Variants in KIAA1614 observed in about 807,000 individuals in gnomAD.
The protein encoded by KIAA1614 is uncharacterized protein KIAA1614.
A neutral mutation model predicts 88.7 loss-of-function variants in KIAA1614; 76 were observed. The ratio of observed to expected loss-of-function variants is 0.86; its 90% CI spans 0.71 to 1.04. The LOEUF is 1.04. Among genes scored for constraint, KIAA1614 ranks in the 50% least tolerant of loss-of-function variants. KIAA1614 has a pLI of 0.00. For synonymous variants in KIAA1614, 714 were observed against 675.5 expected (o/e 1.06, Z -0.88); for missense variants, 1,553 against 1,582.5 (o/e 0.98, Z 0.32).
At chr1:180,914,372 CATT>C (rs1653731564) in intron 1 of KIAA1614, among the ~76,000 whole-genome samples, 1 of 152,190 alleles carries the variant, frequency 6.6e-6, no homozygotes, top group South Asian at 2.1e-4. Flanking sequence ...GGAACATTAT[CATT>C]TACAGAATAA....
At chr1:180,915,198 G>A (rs971259586) in intron 1 of KIAA1614, among the ~76,000 whole-genome samples, 1 of 152,220 alleles carries the variant, frequency 6.6e-6, no homozygotes, top group African/African-American at 2.4e-5. Flanking sequence ...CCTAATCGGC[G>A]TTCCTGACTG....
chr1:180,934,110 C>T (rs1345008033), intron 4 of KIAA1614, among the ~76,000 whole-genome samples: 5 of 152,018 alleles, frequency 3.3e-5, no homozygotes, highest in South Asian at 2.1e-4. Flanking sequence ...CAAAATTAGT[C>T]GGGCGTGGTG....
At chr1:180,913,365 G>C in intron 1 of KIAA1614, 72 bp downstream of exon 1, 1 of 1,041,562 alleles carries the variant, frequency 9.6e-7, no homozygotes, top group Non-Finnish European at 1.2e-6. Context: ...GGAGCGGGGA[G>C]CCCAGGTCGC....
rs776608636 is a variant in KIAA1614, at chr1:180,935,770, T to C, written c.1861T>C (p.Cys621Arg). Residue 621 changes from cysteine (C) to arginine (R), a missense_variant, in exon 5 of 9, where the codon TGC becomes CGC. Coordinates refer to ENST00000367588, the MANE Select transcript of KIAA1614 (RefSeq NM_020950.2). This position sits in a 1 kb window ranked among gnomAD's most constrained non-coding sequence, Gnocchi z 6.1. The part of the protein sequence containing the change: ...ALDSTDNSDN[C>R]RTDSEEAGTS... ...GGACAGCACAGACAACTCTGACAAC[T>C]GCAGGACCGACAGTGAGGAGGCGGG... 2.5e-6 allele frequency: 4 copies of C among 1,613,752 alleles called. No individual in the cohort carries two copies. In the Admixed American group the frequency reaches 5.0e-5, roughly 20 times the overall value.
Position 180,941,019 on chromosome 1 carries a change from C to A in KIAA1614, c.2919-26C>A, listed in dbSNP as rs763848907. 6.2e-6 allele frequency: 9 copies of A among 1,452,488 alleles called. No homozygotes were observed. In the African/African-American group the frequency reaches 1.3e-4, roughly 21 times the overall value. The allele number at this position is 1,452,488 out of a possible 1,614,324, so 90.0% of individuals were successfully genotyped here. On this transcript the variant is annotated intron_variant, in intron 6 of 8. Coordinates refer to ENST00000367588, the MANE Select transcript of KIAA1614 (RefSeq NM_020950.2). ...GCCACCCTCCCGGCCCTCCCCCGCCCCCTCACCTCCACCCTTGTGTTTCAG... is the reference window on the plus strand; with the variant it reads ...GCCACCCTCCCGGCCCTCCCCCGCCACCTCACCTCCACCCTTGTGTTTCAG...
Position 180,935,088 on chromosome 1 carries a change from A to G in KIAA1614, c.1206-27A>G. Reference sequence around the variant, plus strand: ...ATACCTCCCCAGGTTTCTGCCCTTGACCTCTCTCCTCCTGTCTCTTCATCA... The same window carrying G: ...ATACCTCCCCAGGTTTCTGCCCTTGGCCTCTCTCCTCCTGTCTCTTCATCA... On this transcript the variant is annotated intron_variant, in intron 4 of 8. Coordinates refer to ENST00000367588, the MANE Select transcript of KIAA1614 (RefSeq NM_020950.2). The surrounding 1 kb of genome is among the most constrained non-coding windows in gnomAD (Gnocchi z 6.1). The G allele has an allele frequency of 7.3e-7, 1 of 1,366,492 alleles. No homozygotes were observed. Among genetic ancestry groups the G allele is most frequent in the South Asian group, 2.0e-5 (1 of 49,566 alleles). The allele number at this position is 1,366,492 out of a possible 1,614,324, so 84.6% of individuals were successfully genotyped here.
At chr1:180,944,963 T>G in intron 8 of KIAA1614, 3 of 291,426 alleles carry the variant, frequency 1.0e-5, no homozygotes, top group Non-Finnish European at 1.2e-5. Flanking sequence ...GGGGCGTGGA[T>G]GTACTTCAGG....
intron 1 of KIAA1614, among the ~76,000 whole-genome samples, chr1:180,915,761 C>T (rs1387065874): frequency 6.6e-6 from 1 of 152,158 alleles, no homozygotes; most frequent in Admixed American, 6.5e-5. Flanking sequence ...AGCAAGTGAG[C>T]ATTACCACCT....
At chr1:180,936,848 G>A (rs1488252227) in intron 5 of KIAA1614, among the ~76,000 whole-genome samples, 178 bp downstream of exon 5, 1 of 152,194 alleles carries the variant, frequency 6.6e-6, no homozygotes, top group Non-Finnish European at 1.5e-5. Context: ...GGTGTCAGGG[G>A]TGCTGGTGGA....
At chr1:180,925,532 A>G (rs905775193) in intron 3 of KIAA1614, among the ~76,000 whole-genome samples, 3 of 152,274 alleles carry the variant, frequency 2.0e-5, no homozygotes, top group African/African-American at 4.8e-5. Context: ...ATTTTAATCC[A>G]GGATTATGAT....
In KIAA1614 at chr1:180,936,325, T is replaced by C; in HGVS notation, c.2416T>C (p.Trp806Arg). Reference protein sequence around the residue: ...QPTASLCPEGWAPTPPPSRKT... With the variant: ...QPTASLCPEGRAPTPPPSRKT... ...AACAGCTTCCTTGTGTCCTGAAGGC[T>C]GGGCGCCAACCCCTCCCCCTTCGAG... is the stretch of plus-strand genomic sequence containing the variant. Residue 806 changes from tryptophan (W) to arginine (R), a missense_variant, in exon 5 of 9, where the codon TGG becomes CGG. Physicochemically the swap from Trp to Arg is moderately radical, Grantham distance 101. Coordinates refer to ENST00000367588, the MANE Select transcript of KIAA1614 (RefSeq NM_020950.2). The C allele has an allele frequency of 6.2e-7, 1 of 1,614,160 alleles. No individual in the cohort carries two copies. Among genetic ancestry groups the C allele is most frequent in the South Asian group, 1.1e-5 (1 of 91,086 alleles).
chr1:180,945,897 G>A lies in KIAA1614; in HGVS notation c.*309G>A. 4.8e-6 allele frequency: 4 copies of A among 827,158 alleles called. No individual in the cohort carries two copies. Among genetic ancestry groups the A allele is most frequent in the Non-Finnish European group, 6.1e-6 (4 of 652,794 alleles). 51.2% of individuals were successfully genotyped at this position (827,158 alleles called of 1,614,324 possible). On this transcript the variant is annotated 3_prime_UTR_variant, in exon 9 of 9. Transcript: ENST00000367588. ...AGGCGCCTGGATCACCTGAGGTCAGGAGTTCGAGACCAGTCTGGCCCACAT... is the reference window on the plus strand; with the variant it reads ...AGGCGCCTGGATCACCTGAGGTCAGAAGTTCGAGACCAGTCTGGCCCACAT...
At chr1:180,925,884 A>T (rs1233518882) in intron 3 of KIAA1614, among the ~76,000 whole-genome samples, 1 of 152,158 alleles carries the variant, frequency 6.6e-6, no homozygotes, top group Non-Finnish European at 1.5e-5. Flanking sequence ...GGGACCTCGA[A>T]ATCCCACACC....
rs1277346807 is a variant in KIAA1614, at chr1:180,947,360, C to G, written c.*1772C>G. ...TCTCTAATGTCTATGAGAATAGACC[C>G]CAGTGGGACACGGGTGGAGCCAGGG... On this transcript the variant is annotated 3_prime_UTR_variant, in exon 9 of 9. Transcript: ENST00000367588. 1 of 152,258 alleles carries G rather than the reference C, an allele frequency of 6.6e-6. No individual in the cohort carries two copies. The highest frequency in any genetic ancestry group is 1.9e-4 in the East Asian group (1 of 5,192). 9.4% of individuals were successfully genotyped at this position (152,258 alleles called of 1,614,324 possible).
rs140904251 is a variant in KIAA1614 at position 180,945,344 on chromosome 1, A to G, written c.3329A>G (p.Asp1110Gly). The G allele has an allele frequency of 3.2e-3, 5,033 of 1,595,624 alleles. 21 individuals carry two copies. The highest frequency in any genetic ancestry group is 2.8e-3 in the Non-Finnish European group (3,278 of 1,175,092). ...CCACGGCGTGCCCTCAGTGTGGAGG[A>G]CGTGGGTGCTCCCAGCCTGGCTCGC... Reference protein sequence around the residue: ...TSPRRALSVEDVGAPSLARTV... With the variant: ...TSPRRALSVEGVGAPSLARTV... Residue 1110 changes from aspartate to glycine, a missense_variant, in exon 9 of 9, where the codon GAC becomes GGC. By Grantham distance (94) the Asp-to-Gly change is moderately conservative (BLOSUM62 -1). Coordinates refer to ENST00000367588, the MANE Select transcript of KIAA1614 (RefSeq NM_020950.2).
rs775868598 is a variant in KIAA1614 at position 180,916,409 on chromosome 1, T to A, written c.306T>A (p.Ser102Arg). Residue 102 changes from serine to arginine, a missense_variant, in exon 2 of 9, where the codon AGT becomes AGA. Coordinates refer to ENST00000367588, the MANE Select transcript of KIAA1614 (RefSeq NM_020950.2). ...EKMTVAKQGV[S>R]PCSASQEWSS... ...TGACAGTGGCCAAACAGGGAGTGAG[T>A]CCCTGCTCTGCTTCCCAAGAGTGGT... 1 of 1,613,478 alleles carries A rather than the reference T, an allele frequency of 6.2e-7. No homozygotes were observed. The highest frequency in any genetic ancestry group is 8.5e-7 in the Non-Finnish European group (1 of 1,179,842).
chr1:180,921,442 G>A (rs578209562), intron 3 of KIAA1614, among the ~76,000 whole-genome samples: 1 of 152,304 alleles, frequency 6.6e-6, no homozygotes, highest in African/African-American at 2.4e-5. Flanking sequence ...CACTGAGAGA[G>A]AGACCTCTGT....
At chr1:180,917,125 G>A (rs779717366) in intron 2 of KIAA1614, 25 bp downstream of exon 2, 1 of 1,584,586 alleles carries the variant, frequency 6.3e-7, no homozygotes, top group Non-Finnish European at 8.6e-7. Context: ...GTAGGTCCAG[G>A]TGGTGGGGGG....
chr1:180,936,506 G>A lies in KIAA1614; in HGVS notation c.2597G>A (p.Arg866His), dbSNP rs772498043. The part of the protein sequence containing the change: ...ELPPSQTQPS[R>H]PQVRHPLLAL... The stretch of plus-strand genomic sequence containing the variant: ...CCCCCATCACAGACCCAGCCCAGCC[G>A]CCCTCAGGTCAGGCACCCACTGCTG... The change falls in exon 5 of 9, where the codon CGC (arginine) becomes CAC (histidine). Residue 866 changes from arginine (R) to histidine (H), a missense_variant. Arg to His is a conservative substitution (Grantham distance 29). Transcript: ENST00000367588. The A allele has an allele frequency of 1.5e-5, 24 of 1,613,790 alleles. No individual in the cohort carries two copies. The highest frequency in any genetic ancestry group is 3.3e-5 in the Admixed American group (2 of 59,970).
Sources: allele counts gnomAD v4.1 joint callset (sites outside exome capture counted in the v4.1 genomes callset), GRCh38; gene constraint gnomAD v4.1.1; non-coding constraint Gnocchi (gnomAD v3.1); transcripts MANE v1.5; gene names NCBI Gene and HGNC (gene_info 2026-07-23, HGNC 2026-07-21).